UBE2J2: variants seen among roughly 807,000 people sequenced by gnomAD.
The protein encoded by UBE2J2 is ubiquitin conjugating enzyme E2 J2.
A neutral mutation model predicts 28.6 loss-of-function variants in UBE2J2; 5 were observed. The observed-to-expected ratio is 0.17, with a 90% CI of 0.09 to 0.37. UBE2J2 has a LOEUF of 0.37. UBE2J2 is among the 10% of genes least tolerant of loss of function. The probability of loss-of-function intolerance (pLI) is 1.00; values close to 1 mark genes in which losing one functional copy is unlikely to be tolerated. For synonymous variants in UBE2J2, 138 were observed against 139.7 expected (o/e 0.99, Z 0.09); for missense variants, 226 against 338.9 (o/e 0.67, Z 2.62).
At chr1:1,261,996 T>C (rs1437607099) in intron 3 of UBE2J2, among the ~76,000 whole-genome samples, 1 of 152,258 alleles carries the variant, frequency 6.6e-6, no homozygotes, top group African/African-American at 2.4e-5. Flanking sequence ...TAGCTGGGAT[T>C]ATAGGCATGC....
intron 2 of UBE2J2, among the ~76,000 whole-genome samples, chr1:1,264,023 T>G (rs569305221): frequency 6.6e-6 from 1 of 152,192 alleles, no homozygotes; most frequent in African/African-American, 2.4e-5. Context: ...GAAATGTATA[T>G]TCTTAAATGT....
intron 3 of UBE2J2, among the ~76,000 whole-genome samples, chr1:1,258,141 G>C (rs1213766274): frequency 6.6e-6 from 1 of 151,962 alleles, no homozygotes; most frequent in Non-Finnish European, 1.5e-5. Flanking sequence ...CCAGGTTCAA[G>C]TGATTATTCT....
intron 1 of UBE2J2, chr1:1,273,272 C>T (rs2100275906): frequency 6.6e-6 from 1 of 152,314 alleles, no homozygotes; most frequent in Non-Finnish European, 1.5e-5. Flanking sequence ...TCGTTTCTCT[C>T]GGGGTTTACG....
chr1:1,273,357 C>A (rs1640262045), intron 1 of UBE2J2: 1 of 152,244 alleles, frequency 6.6e-6, no homozygotes, highest in African/African-American at 2.4e-5. Flanking sequence ...GACACAGACT[C>A]CCGTGATCCA....
chr1:1,269,561 A>G (rs1640046141), intron 1 of UBE2J2, among the ~76,000 whole-genome samples: 1 of 151,830 alleles, frequency 6.6e-6, no homozygotes, highest in Admixed American at 6.6e-5. Flanking sequence ...CCTGGGTTCA[A>G]GTGATTCTCC....
chr1:1,256,888 GAAAA>G (rs57305655), intron 5 of UBE2J2, 100 bp downstream of exon 5: 1,635 of 511,280 alleles, frequency 3.2e-3, no homozygotes, highest in East Asian at 7.1e-3. Context: ...TCCGTCTCAA[GAAAA>G]AAAAAAAAAA....
At chr1:1,255,979 TG>T in intron 6 of UBE2J2, 65 bp downstream of exon 6, 1 of 1,176,474 alleles carries the variant, frequency 8.5e-7, no homozygotes, top group Non-Finnish European at 1.3e-6. Context: ...TTTTACTCTT[TG>T]GAAAGAGGTG....
At chr1:1,271,915 G>C (rs1221305112) in intron 1 of UBE2J2, among the ~76,000 whole-genome samples, 1 of 149,324 alleles carries the variant, frequency 6.7e-6, no homozygotes, top group Non-Finnish European at 1.5e-5. Context: ...TGGAGGCTGT[G>C]GTGGGCCAAG....
intron 3 of UBE2J2, among the ~76,000 whole-genome samples, chr1:1,260,702 G>C (rs1459893584): frequency 6.6e-6 from 1 of 152,262 alleles, no homozygotes; most frequent in Non-Finnish European, 1.5e-5. Flanking sequence ...CAAAGGCCTA[G>C]CTGGCTACTC....
chr1:1,267,718 G>A, intron 2 of UBE2J2, 144 bp downstream of exon 2: 1 of 1,505,570 alleles, frequency 6.6e-7, no homozygotes, highest in Non-Finnish European at 8.9e-7. Context: ...ACAGGCCCCT[G>A]GGCACCCCAC....
At chr1:1,270,940 C>CA (rs1557569621) in intron 1 of UBE2J2, among the ~76,000 whole-genome samples, 1 of 151,914 alleles carries the variant, frequency 6.6e-6, no homozygotes, top group African/African-American at 2.4e-5. Flanking sequence ...CACACTCCTT[C>CA]TCACAGCTGC....
At chr1:1,271,868 G>A (rs1640160853) in intron 1 of UBE2J2, among the ~76,000 whole-genome samples, 2 of 151,620 alleles carry the variant, frequency 1.3e-5, no homozygotes, top group South Asian at 4.2e-4. Flanking sequence ...CAGCTACTCG[G>A]GTGACTGAGG....
In UBE2J2 at chr1:1,272,083, G is replaced by C. The variant is rs536027854; in HGVS notation, c.-1+1583C>G. 4.6e-5 allele frequency among the ~76,000 whole-genome samples: 7 copies of C among 151,420 alleles called. No individual in the cohort carries two copies. In the South Asian group the frequency reaches 1.5e-3, roughly 32 times the overall value. On this transcript the variant is annotated intron_variant, in intron 1 of 6. Transcript: ENST00000349431. The stretch of plus-strand genomic sequence containing the variant: ...GTGGGAGAATTACTTGAACTCGGGA[G>C]CCGGAGGCTGTAGTGAACTGAGATC...
intron 2 of UBE2J2, chr1:1,266,293 G>T: frequency 1.2e-6 from 1 of 814,788 alleles, no homozygotes; most frequent in East Asian, 8.0e-5. Flanking sequence ...TCTTTTCTCT[G>T]GAATTAAAAA....
At chr1:1,267,711 G>A (rs1013310777) in intron 2 of UBE2J2, 151 bp downstream of exon 2, 2 of 1,486,560 alleles carry the variant, frequency 1.3e-6, no homozygotes, top group African/African-American at 2.8e-5. Context: ...AGTGTCCACA[G>A]GCCCCTGGGC....
rs756884413 is a variant in UBE2J2, at chr1:1,268,207, T to C, written c.1-215A>G. ...CCCGTCTGTCCCGCCACCACCTTCA[T>C]TGACACGACGTACAGCTCAGGTACA... On this transcript the variant is annotated intron_variant, in intron 1 of 6. Transcript: ENST00000349431. The surrounding 1 kb of genome is among the most constrained non-coding windows in gnomAD (Gnocchi z 4.7). Among the ~76,000 whole-genome samples the C allele has an allele frequency of 6.6e-6, 1 of 152,004 alleles. No homozygotes were observed. Among genetic ancestry groups the C allele is most frequent in the Non-Finnish European group, 1.5e-5 (1 of 68,008 alleles).
At position 1,268,048 on chromosome 1, in the gene UBE2J2, T is replaced by C; in HGVS notation, c.1-56A>G. 6.3e-7 allele frequency: 1 copy of C among 1,595,846 alleles called. No homozygotes were observed. The highest frequency in any genetic ancestry group is 1.3e-5 in the African/African-American group (1 of 74,592). ...AGAAGCAGCGCCGGCCACAGCTCTCTCCCCTGGCGCAGCCCCACTCCCGCC... is the reference window on the plus strand; with the variant it reads ...AGAAGCAGCGCCGGCCACAGCTCTCCCCCCTGGCGCAGCCCCACTCCCGCC... On this transcript the variant is annotated intron_variant, in intron 1 of 6. Transcript: ENST00000349431. The surrounding 1 kb of genome is among the most constrained non-coding windows in gnomAD (Gnocchi z 4.7).
At chr1:1,266,592 C>A (rs987001315) in intron 2 of UBE2J2, among the ~76,000 whole-genome samples, 13 of 152,050 alleles carry the variant, frequency 8.5e-5, no homozygotes, top group Non-Finnish European at 1.8e-4. Context: ...GAGGCCAAGG[C>A]GGGCGGATCA....
chr1:1,257,314 C>T lies in UBE2J2; in HGVS notation c.173-4G>A, dbSNP rs1639244439. 2.5e-6 allele frequency: 4 copies of T among 1,596,928 alleles called. No homozygotes were observed. The highest frequency in any genetic ancestry group is 3.4e-5 in the Admixed American group (2 of 59,136). On this transcript the variant is annotated splice_polypyrimidine_tract_variant and splice_region_variant and intron_variant, in intron 3 of 6. Transcript: ENST00000349431. ...AGTTTTCCATGATAATAGCCACCTACATGGAAACAAAACAGAAAGGGCCTT... is the reference window on the plus strand; with the variant it reads ...AGTTTTCCATGATAATAGCCACCTATATGGAAACAAAACAGAAAGGGCCTT...
Sources: gnomAD v4.1 joint callset for allele counts (sites outside exome capture counted in the v4.1 genomes callset) on GRCh38, gnomAD v4.1.1 for gene constraint, Gnocchi (gnomAD v3.1) non-coding constraint, MANE v1.5 for transcripts, NCBI Gene and HGNC (gene_info 2026-07-23, HGNC 2026-07-21) for gene names.